The following RBFOX3 variants were observed in gnomAD, a reference collection of about 807,000 sequenced individuals.
RBFOX3 encodes RNA binding fox-1 homolog 3.
Under a neutral mutation model 48.7 loss-of-function variants are expected in RBFOX3, and 17 were observed. That is an observed-to-expected ratio of 0.35 (90% CI 0.24 to 0.52). The LOEUF (loss-of-function observed/expected upper bound fraction) is 0.52, where lower values mean the gene tolerates loss of function less well. Among genes scored for constraint, RBFOX3 ranks in the 20% least tolerant of loss-of-function variants. The pLI is 0.94. For missense variants in RBFOX3, 382 were observed against 497.5 expected, an observed-to-expected ratio of 0.77 and a Z score of 2.21; for synonymous variants, 212 against 209.5, an observed-to-expected ratio of 1.01 and a Z score of -0.10.
Position 79,103,053 on chromosome 17 carries a change from G to A in RBFOX3, c.507+109C>T, listed in dbSNP as rs2076735306. ...CTTCCTCCCACCCCAGGGAACCCTG[G>A]CCAGGCTCTCTGAAGGGTGCGGCAG... On this transcript the variant is annotated intron_variant, in intron 8 of 14. Transcript: ENST00000693108. This position sits in a 1 kb window ranked among gnomAD's most constrained non-coding sequence, Gnocchi z 6.1. 6 of 823,386 alleles carry A rather than the reference G, an allele frequency of 7.3e-6. No homozygotes were observed. Among genetic ancestry groups the A allele is most frequent in the South Asian group, 6.4e-5 (4 of 62,622 alleles). 51.0% of individuals were successfully genotyped at this position (823,386 alleles called of 1,614,324 possible).
At chr17:79,373,739 C>T (rs1162025422) in intron 2 of RBFOX3, among the ~76,000 whole-genome samples, 2 of 152,232 alleles carry the variant, frequency 1.3e-5, no homozygotes, top group Admixed American at 6.5e-5. Context: ...GGCCTACCAC[C>T]TGCCCAGCAA....
chr17:79,394,417 G>T (rs2061737080), intron 2 of RBFOX3, among the ~76,000 whole-genome samples: 1 of 152,146 alleles, frequency 6.6e-6, no homozygotes, highest in Admixed American at 6.5e-5. Context: ...GAGTGCAGGT[G>T]GGGTTCATCT....
chr17:79,379,696 C>T (rs2059646440), intron 2 of RBFOX3, among the ~76,000 whole-genome samples: 1 of 152,188 alleles, frequency 6.6e-6, no homozygotes, highest in South Asian at 2.1e-4. Flanking sequence ...CACAGCTCAG[C>T]CCCCGCAAAT....
Position 79,584,939 on chromosome 17 carries a change from G to C in RBFOX3, c.-320+25887C>G, listed in dbSNP as rs1277787801. The stretch of plus-strand genomic sequence containing the variant: ...CGCCACCACACCCAGCTACTTTTTT[G>C]TATTTTTAGTAGAGACGGGATTTCA... On this transcript the variant is annotated intron_variant, in intron 1 of 14. Transcript: ENST00000693108. Among the ~76,000 whole-genome samples the C allele has an allele frequency of 1.8e-4, 27 of 151,968 alleles. 1 individual carries two copies.
At chr17:79,559,659 ATGGGTGGG>A (rs1371613774) in intron 1 of RBFOX3, among the ~76,000 whole-genome samples, 43 of 100,554 alleles carry the variant, frequency 4.3e-4, no homozygotes, top group Non-Finnish European at 7.2e-4. Context: ...GGGTGGATGG[ATGGGTGGG>A]TGGGTGGATG....
intron 1 of RBFOX3, among the ~76,000 whole-genome samples, chr17:79,589,303 C>T (rs1457336201): frequency 5.6e-5 from 3 of 53,944 alleles, no homozygotes; most frequent in African/African-American, 1.3e-4. Flanking sequence ...CCAGGGCTCT[C>T]CTTGGCTTTA....
At chr17:79,167,582 A>T (rs1340266810) in intron 4 of RBFOX3, among the ~76,000 whole-genome samples, 2 of 152,198 alleles carry the variant, frequency 1.3e-5, no homozygotes, top group Non-Finnish European at 2.9e-5. Flanking sequence ...AGGGCACTCA[A>T]GCCTGTCTTC....
At chr17:79,561,875 T>C (rs2092244469) in intron 1 of RBFOX3, among the ~76,000 whole-genome samples, 1 of 152,150 alleles carries the variant, frequency 6.6e-6, no homozygotes, top group Admixed American at 6.5e-5. Context: ...AGCAAAGATG[T>C]CATCCCTGGC....
intron 2 of RBFOX3, among the ~76,000 whole-genome samples, chr17:79,417,921 G>A (rs527313163): frequency 6.6e-6 from 1 of 152,326 alleles, no homozygotes; most frequent in East Asian, 1.9e-4. Flanking sequence ...ACACAACATG[G>A]GAGAACCCTG....
At chr17:79,540,529 G>T (rs1458940055) in intron 1 of RBFOX3, among the ~76,000 whole-genome samples, 1 of 152,202 alleles carries the variant, frequency 6.6e-6, no homozygotes, top group Non-Finnish European at 1.5e-5. Context: ...ATCCTGGATG[G>T]TCCTCCCACT....
rs11658793 is a variant in RBFOX3 at position 79,205,505 on chromosome 17, C to A, written c.-34+30261G>T. On this transcript the variant is annotated intron_variant, in intron 4 of 14. Transcript: ENST00000693108. The surrounding 1 kb of genome is among the most constrained non-coding windows in gnomAD (Gnocchi z 4.5). ...TGGGAGCCTATAAAACCTCCCTAAC[C>A]CCCAGCTAAGACAGGAAATCAGAAA... 0.48 allele frequency among the ~76,000 whole-genome samples: 73,626 copies of A among 151,964 alleles called. 18,850 individuals are homozygous for A. The highest frequency in any genetic ancestry group is 0.57 in the Non-Finnish European group (38,934 of 67,934).
chr17:79,498,195 A>G (rs2081844735), intron 1 of RBFOX3, among the ~76,000 whole-genome samples: 1 of 152,186 alleles, frequency 6.6e-6, no homozygotes, highest in African/African-American at 2.4e-5. Flanking sequence ...GGCCTTCAGT[A>G]TGCTCTCCCT....
intron 2 of RBFOX3, among the ~76,000 whole-genome samples, chr17:79,377,456 T>C (rs2059356659): frequency 6.6e-6 from 1 of 152,128 alleles, no homozygotes; most frequent in Non-Finnish European, 1.5e-5. Context: ...CACGTGGGCA[T>C]GCGCACGCAC....
chr17:79,105,750 G>C (rs1407353051), intron 6 of RBFOX3, among the ~76,000 whole-genome samples: 2 of 152,198 alleles, frequency 1.3e-5, no homozygotes, highest in African/African-American at 2.4e-5. Context: ...GCCAGAGGCT[G>C]TCTACCTGCG....
At chr17:79,529,794 C>G (rs2087419786) in intron 1 of RBFOX3, among the ~76,000 whole-genome samples, 1 of 152,242 alleles carries the variant, frequency 6.6e-6, no homozygotes, top group Non-Finnish European at 1.5e-5. Context: ...CCCTGAGGCT[C>G]TAGAAGAGGG....
chr17:79,206,547 G>A (rs551858267), intron 4 of RBFOX3, among the ~76,000 whole-genome samples: 1 of 77,564 alleles, frequency 1.3e-5, no homozygotes, highest in African/African-American at 4.5e-5. Context: ...GTGGGCGGGA[G>A]CGGATGCCTC....
rs1481775226 is a variant in RBFOX3 at position 79,382,504 on chromosome 17, T to G, written c.-174-74680A>C. Among the ~76,000 whole-genome samples the G allele has an allele frequency of 2.0e-5, 3 of 152,238 alleles. No individual in the cohort carries two copies. In the East Asian group the frequency reaches 5.8e-4, roughly 29 times the overall value. The stretch of plus-strand genomic sequence containing the variant: ...TTCTTGGGCAAACCTGTTTCCCATG[T>G]CCTCTAGGGCAGGAGCCAGAAAGGC... On this transcript the variant is annotated intron_variant, in intron 2 of 14. Coordinates refer to ENST00000693108, the MANE Select transcript of RBFOX3 (RefSeq NM_001350451.2).
chr17:79,404,414 G>A lies in RBFOX3; in HGVS notation c.-175+78040C>T, dbSNP rs936272003. On this transcript the variant is annotated intron_variant, in intron 2 of 14. Coordinates refer to ENST00000693108, the MANE Select transcript of RBFOX3 (RefSeq NM_001350451.2). ...AGCACGTGTCAAGGAGTCCCAGCCC[G>A]CGGGCACCCCAGGCCACACGGCCCC... is the stretch of plus-strand genomic sequence containing the variant. 5.3e-5 allele frequency among the ~76,000 whole-genome samples: 8 copies of A among 152,226 alleles called. No homozygotes were observed. In the East Asian group the frequency reaches 7.7e-4, roughly 15 times the overall value.
At chr17:79,112,904 C>CGGCGGGGG (rs1307784460) in intron 5 of RBFOX3, among the ~76,000 whole-genome samples, 76 of 10,252 alleles carry the variant, frequency 7.4e-3, no homozygotes, top group Middle Eastern at 0.062. Context: ...AGCAGGCTCT[C>CGGCGGGGG]GGGGGGGGGG....
Sources: allele counts gnomAD v4.1 joint callset (sites outside exome capture counted in the v4.1 genomes callset), GRCh38; gene constraint gnomAD v4.1.1; non-coding constraint Gnocchi (gnomAD v3.1); transcripts MANE v1.5; gene names NCBI Gene and HGNC (gene_info 2026-07-23, HGNC 2026-07-21).